THEMIS: variants seen among roughly 807,000 people sequenced by gnomAD.
THEMIS encodes the protein protein THEMIS.
Under a neutral mutation model 52.6 loss-of-function variants are expected in THEMIS, and 37 were observed. The ratio of observed to expected loss-of-function variants is 0.70; its 90% CI spans 0.54 to 0.93. THEMIS has a LOEUF of 0.93. Among genes scored for constraint, THEMIS ranks in the 40% least tolerant of loss-of-function variants. The pLI is 0.00. For missense variants in THEMIS, 808 were observed against 763.1 expected (o/e 1.06, Z -0.69); for synonymous variants, 292 against 272.7 (o/e 1.07, Z -0.70).
At chr6:127,834,657 G>C (rs1003509701) in intron 2 of THEMIS, among the ~76,000 whole-genome samples, 1 of 151,842 alleles carries the variant, frequency 6.6e-6, no homozygotes, top group African/African-American at 2.4e-5. Context: ...TTTTCATATT[G>C]CTTTTACCTG....
intron 4 of THEMIS, among the ~76,000 whole-genome samples, chr6:127,783,807 C>G (rs1776830493): frequency 6.6e-6 from 1 of 152,166 alleles, no homozygotes; most frequent in Admixed American, 6.5e-5. Flanking sequence ...ATTAGTTCAA[C>G]CATTGTGGAA....
chr6:127,781,930 G>A (rs1372431608), intron 4 of THEMIS, among the ~76,000 whole-genome samples: 1 of 152,172 alleles, frequency 6.6e-6, no homozygotes, highest in African/African-American at 2.4e-5. Flanking sequence ...ACTGTGTGGG[G>A]AGATTTGCTG....
chr6:127,898,323 A>C (rs1207134754), intron 1 of THEMIS, among the ~76,000 whole-genome samples: 1 of 151,786 alleles, frequency 6.6e-6, no homozygotes, highest in African/African-American at 2.4e-5. Context: ...TTCTTTCTTA[A>C]AACAATATAG....
intron 4 of THEMIS, among the ~76,000 whole-genome samples, chr6:127,802,043 C>T (rs550335499): frequency 6.6e-4 from 101 of 152,104 alleles, no homozygotes; most frequent in Middle Eastern, 3.4e-3. Context: ...TGTTGCAGTT[C>T]GGGGAGTTAA....
downstream of THEMIS, among the ~76,000 whole-genome samples, chr6:127,703,613 A>G (rs1266338978): frequency 6.6e-6 from 1 of 152,168 alleles, no homozygotes; most frequent in Non-Finnish European, 1.5e-5. Flanking sequence ...TAGCTTAAGT[A>G]CCTTGCTAGT....
At chr6:127,782,901 A>G (rs1031343246) in intron 4 of THEMIS, among the ~76,000 whole-genome samples, 9 of 152,232 alleles carry the variant, frequency 5.9e-5, no homozygotes, top group African/African-American at 2.2e-4. Context: ...TAAATTTCAT[A>G]TGGAACCAAA....
intron 4 of THEMIS, among the ~76,000 whole-genome samples, chr6:127,737,823 C>T (rs1775059312): frequency 6.6e-6 from 1 of 152,164 alleles, no homozygotes; most frequent in Admixed American, 6.5e-5. Context: ...ATTTGTACCT[C>T]TAACAAATTC....
At chr6:127,749,177 T>C (rs1562233184) in intron 4 of THEMIS, among the ~76,000 whole-genome samples, 1 of 152,090 alleles carries the variant, frequency 6.6e-6, no homozygotes, top group Non-Finnish European at 1.5e-5. Context: ...GCTCTCTGTA[T>C]GGTGAAAGCT....
intron 2 of THEMIS, among the ~76,000 whole-genome samples, chr6:127,838,260 C>A (rs950918705): frequency 1.3e-5 from 2 of 151,896 alleles, no homozygotes; most frequent in African/African-American, 2.4e-5. Context: ...TAAGAGTGAC[C>A]CTTTGACAAT....
chr6:127,783,809 A>G (rs1562254655), intron 4 of THEMIS, among the ~76,000 whole-genome samples: 1 of 152,216 alleles, frequency 6.6e-6, no homozygotes, highest in Admixed American at 6.5e-5. Flanking sequence ...TAGTTCAACC[A>G]TTGTGGAAGA....
upstream of THEMIS, among the ~76,000 whole-genome samples, chr6:127,903,427 A>G (rs1781194213): frequency 6.6e-6 from 1 of 152,082 alleles, no homozygotes; most frequent in African/African-American, 2.4e-5. Flanking sequence ...ACTAGACTGT[A>G]TATAATAATT....
chr6:127,696,634 G>A, the THEMIS span, among the ~76,000 whole-genome samples: 6 of 152,182 alleles, frequency 3.9e-5, no homozygotes, highest in Non-Finnish European at 8.8e-5. Flanking sequence ...TTCCTGGGGG[G>A]TTTGAATAAC....
intron 5 of THEMIS, among the ~76,000 whole-genome samples, chr6:127,718,865 C>T (rs1430703857): frequency 6.6e-6 from 1 of 151,384 alleles, no homozygotes; most frequent in Non-Finnish European, 1.5e-5. Context: ...CATGAAAGAA[C>T]CCAGATTGTG....
chr6:127,790,054 G>A (rs530607197), intron 4 of THEMIS, among the ~76,000 whole-genome samples: 2 of 152,300 alleles, frequency 1.3e-5, no homozygotes, highest in East Asian at 1.9e-4. Context: ...AAGATATAAA[G>A]CGTACTCAGA....
intron 1 of THEMIS, among the ~76,000 whole-genome samples, chr6:127,906,701 C>G (rs899189604): frequency 2.0e-5 from 3 of 151,968 alleles, no homozygotes; most frequent in Non-Finnish European, 4.4e-5. Context: ...TCACACCAGT[C>G]TTGCTACTAC....
intron 2 of THEMIS, among the ~76,000 whole-genome samples, chr6:127,848,279 A>G (rs1201228968): frequency 4.6e-5 from 7 of 151,900 alleles, no homozygotes; most frequent in Admixed American, 2.0e-4. Context: ...GCTGCATAGT[A>G]TTCCATGGTG....
chr6:127,763,914 A>G (rs1323266202), intron 4 of THEMIS, among the ~76,000 whole-genome samples: 2 of 151,930 alleles, frequency 1.3e-5, no homozygotes, highest in Non-Finnish European at 2.9e-5. Flanking sequence ...TTTTAATTAC[A>G]TATATGACTC....
intron 4 of THEMIS, among the ~76,000 whole-genome samples, chr6:127,746,544 A>G (rs2114306273): frequency 6.7e-6 from 1 of 149,718 alleles, no homozygotes; most frequent in East Asian, 2.0e-4. Context: ...TATTTATATC[A>G]AGTAACAAAT....
intron 4 of THEMIS, among the ~76,000 whole-genome samples, chr6:127,767,779 T>G (rs1351487616): frequency 6.6e-6 from 1 of 152,238 alleles, no homozygotes; most frequent in Admixed American, 6.5e-5. Context: ...CATAATTATA[T>G]GTACTATACT....
Sources: gnomAD v4.1 joint callset for allele counts (sites outside exome capture counted in the v4.1 genomes callset) on GRCh38, gnomAD v4.1.1 for gene constraint, MANE v1.5 for transcripts, NCBI Gene and HGNC (gene_info 2026-07-23, HGNC 2026-07-21) for gene names.